Variants in CCDC73 observed in about 807,000 individuals in gnomAD.
The protein encoded by CCDC73 is coiled-coil domain-containing protein 73.
In CCDC73, 95 loss-of-function variants were observed where a neutral mutation model predicts 116.5. The observed-to-expected ratio is 0.82, with a 90% CI of 0.69 to 0.97. The LOEUF (loss-of-function observed/expected upper bound fraction) is 0.97. CCDC73 is among the 50% of genes least tolerant of loss of function. The pLI is 0.00. For missense variants in CCDC73, 1,066 were observed against 1,206.8 expected (o/e 0.88, Z 1.73); for synonymous variants, 398 against 401.3 (o/e 0.99, Z 0.10).
At chr11:32,636,431 C>T (rs1486197481) in intron 13 of CCDC73, among the ~76,000 whole-genome samples, 3 of 152,066 alleles carry the variant, frequency 2.0e-5, no homozygotes, top group Non-Finnish European at 4.4e-5. Flanking sequence ...GACTTTCACT[C>T]CCTATAAAAT....
the CCDC73 span, among the ~76,000 whole-genome samples, chr11:32,829,289 G>T: frequency 0.011 from 1,708 of 152,256 alleles, 30 homozygotes; most frequent in African/African-American, 0.039. Context: ...GAATGATGAC[G>T]TTATTACACT....
chr11:32,805,540 T>G, the CCDC73 span, among the ~76,000 whole-genome samples: 1 of 152,190 alleles, frequency 6.6e-6, no homozygotes, highest in East Asian at 1.9e-4. Context: ...TGTAAGAAAC[T>G]ATATCCAAAA....
intron 9 of CCDC73, among the ~76,000 whole-genome samples, chr11:32,674,321 C>CGA (rs1283084759): frequency 6.6e-6 from 1 of 152,036 alleles, no homozygotes; most frequent in Non-Finnish European, 1.5e-5. Context: ...AAAGCAGTAT[C>CGA]GAGAGAGGGA....
At chr11:32,822,794 G>A in the CCDC73 span, among the ~76,000 whole-genome samples, 2 of 151,836 alleles carry the variant, frequency 1.3e-5, no homozygotes, top group Admixed American at 6.6e-5. Context: ...GTAAAATTGT[G>A]AAATAGGAAA....
intron 14 of CCDC73, among the ~76,000 whole-genome samples, chr11:32,632,472 C>T (rs903443884): frequency 1.1e-4 from 17 of 152,142 alleles, no homozygotes; most frequent in Non-Finnish European, 2.2e-4. Context: ...GTGATCCACT[C>T]GCCTCAGCCT....
the CCDC73 span, among the ~76,000 whole-genome samples, chr11:32,817,515 A>G: frequency 6.6e-6 from 1 of 152,220 alleles, no homozygotes; most frequent in Non-Finnish European, 1.5e-5. Flanking sequence ...ATCATCCACT[A>G]AATTTTTTAA....
At chr11:32,675,115 AAT>A (rs1856074768) in intron 9 of CCDC73, among the ~76,000 whole-genome samples, 1 of 152,208 alleles carries the variant, frequency 6.6e-6, no homozygotes, top group Non-Finnish European at 1.5e-5. Flanking sequence ...GCTCATTTAT[AAT>A]AGTTTTACAT....
At chr11:32,781,265 G>T (rs539385138) in intron 1 of CCDC73, among the ~76,000 whole-genome samples, 1 of 152,178 alleles carries the variant, frequency 6.6e-6, no homozygotes, top group Non-Finnish European at 1.5e-5. Flanking sequence ...GTGGTATTTA[G>T]TTCCACTCCA....
the CCDC73 span, among the ~76,000 whole-genome samples, chr11:32,808,549 G>T: frequency 1.4e-4 from 21 of 152,012 alleles, no homozygotes; most frequent in Non-Finnish European, 2.9e-4. Flanking sequence ...TAAGGCAGGA[G>T]AATCGCTCGA....
chr11:32,617,531 G>A (rs1185968884), intron 14 of CCDC73, among the ~76,000 whole-genome samples: 2 of 152,142 alleles, frequency 1.3e-5, no homozygotes, highest in African/African-American at 2.4e-5. Flanking sequence ...GAGAACACAC[G>A]GGGCAGAGTG....
At chr11:32,630,357 G>A (rs900224455) in intron 14 of CCDC73, among the ~76,000 whole-genome samples, 8 of 151,934 alleles carry the variant, frequency 5.3e-5, no homozygotes, top group Non-Finnish European at 2.9e-5. Flanking sequence ...GCGGGGAAGG[G>A]AGAGGGAGAT....
chr11:32,772,475 G>T (rs1044239114), intron 1 of CCDC73, among the ~76,000 whole-genome samples: 1 of 152,100 alleles, frequency 6.6e-6, no homozygotes, highest in African/African-American at 2.4e-5. Flanking sequence ...GGAGGAAAAA[G>T]GAGGAAATTT....
chr11:32,649,287 T>G (rs954160673), intron 12 of CCDC73, among the ~76,000 whole-genome samples: 3 of 152,188 alleles, frequency 2.0e-5, no homozygotes, highest in Non-Finnish European at 4.4e-5. Context: ...TAAATGACCC[T>G]AGTTAATACT....
At chr11:32,653,871 C>T (rs1475455560) in intron 11 of CCDC73, 107 bp downstream of exon 11, 4 of 1,222,454 alleles carry the variant, frequency 3.3e-6, no homozygotes, top group East Asian at 2.5e-5. Context: ...ATTTAATACA[C>T]ATTAACTGAG....
chr11:32,797,400 G>A (rs929568989), upstream of CCDC73, among the ~76,000 whole-genome samples: 3 of 152,004 alleles, frequency 2.0e-5, no homozygotes, highest in Non-Finnish European at 4.4e-5. Context: ...AGTTCACTTT[G>A]CCTTTCTTTG....
At chr11:32,788,365 T>A (rs1509884) in intron 1 of CCDC73, among the ~76,000 whole-genome samples, 1 of 151,954 alleles carries the variant, frequency 6.6e-6, no homozygotes, top group Non-Finnish European at 1.5e-5. Context: ...TACTGATTTT[T>A]AAAAATTAAT....
rs528622450 is a variant in CCDC73 at position 32,759,415 on chromosome 11, C to G, written c.135+694G>C. 1.5e-4 allele frequency among the ~76,000 whole-genome samples: 22 copies of G among 150,348 alleles called. No homozygotes were observed. In the South Asian group the frequency reaches 4.6e-3, roughly 32 times the overall value. On this transcript the variant is annotated intron_variant, in intron 2 of 17. Coordinates refer to ENST00000335185, the MANE Select transcript of CCDC73 (RefSeq NM_001008391.4). Reference sequence around the variant, plus strand: ...GCGTGATCTTGGCTCACTGCAACCTCCACCTCCTGGGTTCAAGCAATTCTT... The same window carrying G: ...GCGTGATCTTGGCTCACTGCAACCTGCACCTCCTGGGTTCAAGCAATTCTT...
intron 2 of CCDC73, among the ~76,000 whole-genome samples, chr11:32,737,617 CA>C (rs35749199): frequency 0.05 from 5,928 of 118,778 alleles, 265 homozygotes; most frequent in African/African-American, 0.14. Context: ...GACTGTGTCT[CA>C]AAAAAAAAAA....
intron 2 of CCDC73, among the ~76,000 whole-genome samples, chr11:32,736,400 A>C (rs1446698834): frequency 6.6e-6 from 1 of 152,224 alleles, no homozygotes; most frequent in African/African-American, 2.4e-5. Context: ...GCCAAAAGAC[A>C]CATGAAAAAA....
Sources: gnomAD v4.1 joint callset for allele counts (sites outside exome capture counted in the v4.1 genomes callset) on GRCh38, gnomAD v4.1.1 for gene constraint, MANE v1.5 for transcripts, NCBI Gene and HGNC (gene_info 2026-07-23, HGNC 2026-07-21) for gene names.